Variants in PCDHGA4 observed in about 807,000 individuals in gnomAD.
The protein encoded by PCDHGA4 is protocadherin gamma subfamily A, 4, also known as protocadherin gamma-A4.
PCDHGA4 carries 38 observed loss-of-function variants against 54.6 expected under a neutral mutation model. The ratio of observed to expected loss-of-function variants is 0.70; its 90% CI spans 0.54 to 0.91. PCDHGA4 has a LOEUF of 0.91. Among genes scored for constraint, PCDHGA4 ranks in the 40% least tolerant of loss-of-function variants. PCDHGA4 has a pLI of 0.00. For missense variants in PCDHGA4, 1,298 were observed against 1,220.9 expected, an observed-to-expected ratio of 1.06 and a Z score of -0.94; for synonymous variants, 511 against 512.9, an observed-to-expected ratio of 1.00 and a Z score of 0.05.
At chr5:141,365,299 T>TGGAG (rs1561533738) in intron 1 of PCDHGA4, 1 of 1,614,002 alleles carries the variant, frequency 6.2e-7, no homozygotes, top group South Asian at 1.1e-5. Context: ...TAGCTCAGGA[T>TGGAG]GGAGGCGCTC....
In PCDHGA4 at chr5:141,489,594, TGTAGAG is replaced by T. The variant is rs1298302866; in HGVS notation, c.2515-5206_2515-5201del. 1 of 1,613,958 alleles carries T rather than the reference TGTAGAG, an allele frequency of 6.2e-7. No homozygotes were observed. The highest frequency in any genetic ancestry group is 1.3e-5 in the African/African-American group (1 of 74,906). ...CTGAACACCCCCTGGAGCTAATCCG[TGTAGAG>T]GTAGAGATCCTGGATCTCAATGACA... On this transcript the variant is annotated intron_variant, in intron 1 of 3. Coordinates refer to ENST00000571252, the MANE Select transcript of PCDHGA4 (RefSeq NM_018917.4). The surrounding 1 kb of genome is among the most constrained non-coding windows in gnomAD (Gnocchi z 4.5).
Position 141,404,333 on chromosome 5 carries a change from C to T in PCDHGA4, c.2514+46712C>T, listed in dbSNP as rs181615917. On this transcript the variant is annotated intron_variant, in intron 1 of 3. Transcript: ENST00000571252. ...CTCTCAAGCCTCCTACTCAGTCTACCTCCCGGAAAACAACGCCAGAGGTAC... is the reference window on the plus strand; with the variant it reads ...CTCTCAAGCCTCCTACTCAGTCTACTTCCCGGAAAACAACGCCAGAGGTAC... The T allele has an allele frequency of 3.8e-5, 62 of 1,613,854 alleles. No homozygotes were observed. The East Asian group carries it at 8.5e-4, about 22-fold the overall frequency.
chr5:141,491,311 A>G lies in PCDHGA4; in HGVS notation c.2515-3496A>G. On this transcript the variant is annotated intron_variant, in intron 1 of 3. Transcript: ENST00000571252. This position sits in a 1 kb window ranked among gnomAD's most constrained non-coding sequence, Gnocchi z 6.9. The stretch of plus-strand genomic sequence containing the variant: ...ACACCCTCCTGAGCGTTCAGACCTT[A>G]CCCTTTACCTCATTGTGGCTCTAGC... 1 of 1,613,932 alleles carries G rather than the reference A, an allele frequency of 6.2e-7. No homozygotes were observed. Among genetic ancestry groups the G allele is most frequent in the Non-Finnish European group, 8.5e-7 (1 of 1,179,940 alleles).
At chr5:141,390,370 A>G (rs1252386186) in intron 1 of PCDHGA4, 7 of 1,504,066 alleles carry the variant, frequency 4.7e-6, no homozygotes, top group African/African-American at 4.2e-5. Context: ...AGGAAAATAT[A>G]TAATTTTTAG....
intron 1 of PCDHGA4, chr5:141,422,139 A>C: frequency 1.9e-6 from 3 of 1,588,154 alleles, no homozygotes; most frequent in Non-Finnish European, 2.6e-6. Context: ...AAGTTCAAGT[A>C]CGGGGGTCTC....
chr5:141,408,669 C>T lies in PCDHGA4; in HGVS notation c.2514+51048C>T, dbSNP rs2095146839. ...GCTGGTACACGACTATCGCTTGACCCTGCCACGGATCCTGATATAAACATA... is the reference window on the plus strand; with the variant it reads ...GCTGGTACACGACTATCGCTTGACCTTGCCACGGATCCTGATATAAACATA... On this transcript the variant is annotated intron_variant, in intron 1 of 3. Transcript: ENST00000571252. The T allele has an allele frequency of 2.5e-6, 4 of 1,613,988 alleles. No homozygotes were observed. Among genetic ancestry groups the T allele is most frequent in the South Asian group, 2.2e-5 (2 of 91,078 alleles).
intron 1 of PCDHGA4, chr5:141,376,149 TCA>T (rs1772336007): frequency 1.2e-6 from 2 of 1,613,934 alleles, no homozygotes; most frequent in Non-Finnish European, 1.7e-6. Context: ...GATTCGGACC[TCA>T]CTCTGTACCT....
intron 1 of PCDHGA4, among the ~76,000 whole-genome samples, chr5:141,467,441 T>C (rs919148544): frequency 6.6e-6 from 1 of 152,340 alleles, no homozygotes; most frequent in African/African-American, 2.4e-5. Context: ...CATTCATTAC[T>C]TTTTTCTTCC....
intron 1 of PCDHGA4, chr5:141,362,062 C>G (rs1392359513): frequency 6.2e-7 from 1 of 1,612,314 alleles, no homozygotes; most frequent in African/African-American, 1.3e-5. Context: ...CCAGCGCCTG[C>G]TGGTCGCTGT....
chr5:141,491,136 G>A lies in PCDHGA4; in HGVS notation c.2515-3671G>A, dbSNP rs769904518. On this transcript the variant is annotated intron_variant, in intron 1 of 3. Coordinates refer to ENST00000571252, the MANE Select transcript of PCDHGA4 (RefSeq NM_018917.4). This position sits in a 1 kb window ranked among gnomAD's most constrained non-coding sequence, Gnocchi z 6.9. ...ACACTGGTGAGGTGCGCACAGCCCG[G>A]GCCTTACTGGAGGATGACTCTGACA... The A allele has an allele frequency of 2.4e-5, 38 of 1,614,030 alleles. 1 individual carries two copies. The South Asian group carries it at 4.1e-4, about 17-fold the overall frequency.
chr5:141,446,747 G>A (rs997132200), intron 1 of PCDHGA4, among the ~76,000 whole-genome samples: 10 of 152,190 alleles, frequency 6.6e-5, no homozygotes, highest in African/African-American at 1.4e-4. Context: ...GATTACAGGC[G>A]TGAGCCACCG....
Position 141,476,369 on chromosome 5 carries a change from G to A in PCDHGA4, c.2515-18438G>A, listed in dbSNP as rs1178923246. 1.9e-6 allele frequency: 3 copies of A among 1,614,098 alleles called. No homozygotes were observed. The African/African-American group carries it at 4.0e-5, about 22-fold the overall frequency. ...CTTTGAGGTGAACCGGGAGACCGGA[G>A]AGATGTTTGTGAACGACCGTCTGGA... On this transcript the variant is annotated intron_variant, in intron 1 of 3. Transcript: ENST00000571252. This position sits in a 1 kb window ranked among gnomAD's most constrained non-coding sequence, Gnocchi z 7.6.
At chr5:141,413,257 T>C (rs777964429) in intron 1 of PCDHGA4, 3 of 1,613,954 alleles carry the variant, frequency 1.9e-6, no homozygotes, top group African/African-American at 1.3e-5. Flanking sequence ...CGGGATTCCA[T>C]GGGAGGCTGG....
intron 1 of PCDHGA4, chr5:141,384,552 C>T (rs752995629): frequency 3.7e-6 from 6 of 1,614,148 alleles, no homozygotes; most frequent in Admixed American, 3.3e-5. Flanking sequence ...TGAGCCTGTT[C>T]GTGCTGGACC....
intron 1 of PCDHGA4, chr5:141,478,760 C>T (rs1472984737): frequency 1.5e-5 from 23 of 1,510,888 alleles, no homozygotes; most frequent in Non-Finnish European, 1.9e-5. Context: ...GGGGAAGATA[C>T]TTGACTCATC....
At position 141,384,817 on chromosome 5, in the gene PCDHGA4, C is replaced by A. The variant is rs373370095; in HGVS notation, c.2514+27196C>A. 2.5e-6 allele frequency: 4 copies of A among 1,613,416 alleles called. No homozygotes were observed. The South Asian group carries it at 4.4e-5, about 18-fold the overall frequency. On this transcript the variant is annotated intron_variant, in intron 1 of 3. Coordinates refer to ENST00000571252, the MANE Select transcript of PCDHGA4 (RefSeq NM_018917.4). ...CCTGCTGGACAGAGATGCCCTCAAG[C>A]AGAGCCTCGTGGTGGCCGTCCAGGA...
At chr5:141,371,007 C>A in intron 1 of PCDHGA4, 1 of 1,613,962 alleles carries the variant, frequency 6.2e-7, no homozygotes, top group South Asian at 1.1e-5. Flanking sequence ...CAGGGAAGAG[C>A]AGCCACATCA....
intron 1 of PCDHGA4, among the ~76,000 whole-genome samples, chr5:141,492,394 G>C (rs2099740158): frequency 6.6e-6 from 1 of 152,220 alleles, no homozygotes; most frequent in African/African-American, 2.4e-5. Context: ...CGGTCCACTC[G>C]CAGCTCCCCT....
intron 1 of PCDHGA4, chr5:141,420,334 T>C: frequency 7.1e-7 from 1 of 1,402,910 alleles, no homozygotes; most frequent in Non-Finnish European, 9.5e-7. Flanking sequence ...TATATTCCAA[T>C]ATAGTGGTAT....
Sources: gnomAD v4.1 joint callset for allele counts (sites outside exome capture counted in the v4.1 genomes callset) on GRCh38, gnomAD v4.1.1 for gene constraint, Gnocchi (gnomAD v3.1) non-coding constraint, MANE v1.5 for transcripts, NCBI Gene and HGNC (gene_info 2026-07-23, HGNC 2026-07-21) for gene names.